Variants in HNRNPLL observed in about 807,000 individuals in gnomAD.
The protein encoded by HNRNPLL is heterogeneous nuclear ribonucleoprotein L like.
In HNRNPLL, 25 loss-of-function variants were observed where a neutral mutation model predicts 67.1. The ratio of observed to expected loss-of-function variants is 0.37; its 90% CI spans 0.27 to 0.52. The LOEUF (loss-of-function observed/expected upper bound fraction) is 0.52. Among genes scored for constraint, HNRNPLL ranks in the 20% least tolerant of loss-of-function variants. The probability of loss-of-function intolerance (pLI) is 0.90; values close to 1 mark genes in which losing one functional copy is unlikely to be tolerated. For synonymous variants in HNRNPLL, 267 were observed against 241.7 expected (o/e 1.10, Z -0.97); for missense variants, 542 against 673.9 (o/e 0.80, Z 2.17).
intron 1 of HNRNPLL, among the ~76,000 whole-genome samples, chr2:38,593,509 G>A (rs1259985782): frequency 6.6e-6 from 1 of 152,194 alleles, no homozygotes; most frequent in Non-Finnish European, 1.5e-5. Flanking sequence ...AAGGACGACA[G>A]AAAACTGTAT....
intron 6 of HNRNPLL, among the ~76,000 whole-genome samples, chr2:38,579,411 AT>A (rs1271640183): frequency 2.6e-5 from 4 of 151,888 alleles, no homozygotes; most frequent in African/African-American, 9.7e-5. Context: ...AAGTATAATA[AT>A]AATAAAATAA....
chr2:38,595,030 A>G (rs1211898479), intron 1 of HNRNPLL, among the ~76,000 whole-genome samples: 3 of 151,462 alleles, frequency 2.0e-5, no homozygotes, highest in Non-Finnish European at 4.4e-5. Context: ...TAATCCTAGC[A>G]CTCTGGGAGG....
chr2:38,599,632 C>G (rs953082471), intron 1 of HNRNPLL, among the ~76,000 whole-genome samples: 6 of 152,226 alleles, frequency 3.9e-5, no homozygotes, highest in Admixed American at 2.0e-4. Flanking sequence ...TTCTCATATC[C>G]AAAGTATTAA....
At chr2:38,592,638 T>A (rs1329445155) in intron 1 of HNRNPLL, among the ~76,000 whole-genome samples, 3 of 152,240 alleles carry the variant, frequency 2.0e-5, no homozygotes, top group Admixed American at 2.0e-4. Flanking sequence ...GGTCTTAAAG[T>A]TTATTTTTAA....
intron 1 of HNRNPLL, among the ~76,000 whole-genome samples, chr2:38,598,802 G>T (rs1287636274): frequency 1.3e-5 from 2 of 152,120 alleles, no homozygotes; most frequent in African/African-American, 2.4e-5. Context: ...ACCAAAAGAT[G>T]GTAAAACCTA....
intron 4 of HNRNPLL, among the ~76,000 whole-genome samples, chr2:38,583,136 T>C (rs1666598974): frequency 6.6e-6 from 1 of 152,164 alleles, no homozygotes; most frequent in Admixed American, 6.5e-5. Context: ...CATAGTTTTA[T>C]AATACTCTAT....
intron 8 of HNRNPLL, among the ~76,000 whole-genome samples, chr2:38,570,468 G>T (rs149997678): frequency 3.9e-5 from 6 of 152,252 alleles, no homozygotes; most frequent in African/African-American, 1.4e-4. Context: ...TGCTATATAA[G>T]AAATAATACA....
At position 38,568,316 on chromosome 2, in the gene HNRNPLL, A is replaced by G; in HGVS notation, c.1475-19T>C. The G allele has an allele frequency of 6.2e-7, 1 of 1,609,180 alleles. No individual in the cohort carries two copies. ...GCTGAAGCTAAAACAAAAAAACACAAACTCAGTTATTATTACTTGCTTATC... is the reference window on the plus strand; with the variant it reads ...GCTGAAGCTAAAACAAAAAAACACAGACTCAGTTATTATTACTTGCTTATC... On this transcript the variant is annotated intron_variant, in intron 11 of 12. Transcript: ENST00000449105.
intron 12 of HNRNPLL, among the ~76,000 whole-genome samples, chr2:38,567,204 G>A (rs1316966105): frequency 1.3e-5 from 2 of 152,164 alleles, no homozygotes; most frequent in Non-Finnish European, 1.5e-5. Context: ...CCAGGTTCAA[G>A]CAATTCTCCT....
At chr2:38,596,070 A>T (rs947435874) in intron 1 of HNRNPLL, among the ~76,000 whole-genome samples, 2 of 141,612 alleles carry the variant, frequency 1.4e-5, no homozygotes, top group Non-Finnish European at 3.1e-5. Flanking sequence ...CTGTAGTGAT[A>T]AAAAAAAAAA....
chr2:38,582,020 C>A, intron 5 of HNRNPLL, 35 bp from the exon 6 acceptor site: 2 of 1,595,354 alleles, frequency 1.3e-6, no homozygotes, highest in Non-Finnish European at 1.7e-6. Flanking sequence ...GTTCAAACTG[C>A]ATATCCAAAG....
intron 2 of HNRNPLL, among the ~76,000 whole-genome samples, chr2:38,588,872 G>C (rs540134982): frequency 3.3e-5 from 5 of 152,126 alleles, no homozygotes; most frequent in African/African-American, 1.2e-4. Flanking sequence ...ATTAATACGA[G>C]AAACAGTGGG....
chr2:38,593,940 G>T (rs1386275076), intron 1 of HNRNPLL, among the ~76,000 whole-genome samples: 2 of 151,540 alleles, frequency 1.3e-5, no homozygotes, highest in Non-Finnish European at 2.9e-5. Context: ...TATGGGAGGC[G>T]AAGCCAGGTA....
chr2:38,593,817 T>C (rs1667062540), intron 1 of HNRNPLL, among the ~76,000 whole-genome samples: 1 of 150,492 alleles, frequency 6.6e-6, no homozygotes, highest in African/African-American at 2.5e-5. Context: ...GAGCCGAGAT[T>C]GTGCCACTGC....
intron 1 of HNRNPLL, among the ~76,000 whole-genome samples, chr2:38,598,128 A>G (rs966886956): frequency 6.6e-6 from 1 of 151,946 alleles, no homozygotes; most frequent in Admixed American, 6.6e-5. Flanking sequence ...ACTCCGTATT[A>G]TTATTATACA....
intron 1 of HNRNPLL, 25 bp downstream of exon 1, chr2:38,602,413 G>A (rs775974343): frequency 9.1e-6 from 14 of 1,545,862 alleles, no homozygotes; most frequent in African/African-American, 5.5e-5. Context: ...CAGGCACAGC[G>A]GACAGGGGGG....
intron 1 of HNRNPLL, among the ~76,000 whole-genome samples, chr2:38,596,535 G>A (rs1193459096): frequency 6.6e-6 from 1 of 152,144 alleles, no homozygotes; most frequent in Non-Finnish European, 1.5e-5. Context: ...TGGGATTACA[G>A]CTGTGAGCCA....
At chr2:38,566,933 T>C (rs967094466) in intron 12 of HNRNPLL, among the ~76,000 whole-genome samples, 18 of 151,946 alleles carry the variant, frequency 1.2e-4, no homozygotes, top group African/African-American at 4.4e-4. Flanking sequence ...AGACTGTTCA[T>C]CAGTGGGGGG....
At chr2:38,597,332 C>A (rs1239345857) in intron 1 of HNRNPLL, among the ~76,000 whole-genome samples, 1 of 152,186 alleles carries the variant, frequency 6.6e-6, no homozygotes, top group East Asian at 1.9e-4. Flanking sequence ...ATTTCTAGTG[C>A]CTTCTCCATT....
Sources: gnomAD v4.1 joint callset for allele counts (sites outside exome capture counted in the v4.1 genomes callset) on GRCh38, gnomAD v4.1.1 for gene constraint, MANE v1.5 for transcripts, NCBI Gene and HGNC (gene_info 2026-07-23, HGNC 2026-07-21) for gene names.